Variants in BAG6 observed in about 807,000 individuals in gnomAD.
BAG6 encodes the protein BAG cochaperone 6, also known as large proline-rich protein BAG6.
BAG6 carries 22 observed loss-of-function variants against 121.0 expected under a neutral mutation model. The ratio of observed to expected loss-of-function variants is 0.18; its 90% CI spans 0.13 to 0.26. The LOEUF is 0.26. Ranked by LOEUF, BAG6 falls within the 10% of genes least tolerant of loss-of-function variation. The pLI is 1.00. For synonymous variants in BAG6, 583 were observed against 584.6 expected (o/e 1.00, Z 0.04); for missense variants, 1,233 against 1,537.7 (o/e 0.80, Z 3.31).
At position 31,644,928 on chromosome 6, in the gene BAG6, G is replaced by A. The variant is rs745389783; in HGVS notation, c.1369+18C>T. 9 of 1,553,456 alleles carry A rather than the reference G, an allele frequency of 5.8e-6. No individual in the cohort carries two copies. The highest frequency in any genetic ancestry group is 1.7e-4 in the Middle Eastern group (1 of 5,726). ...TCATCATGCTGATCCTGCTCTTCTC[G>A]CCAGCAACTATTCTCACCTTGAATG... On this transcript the variant is annotated intron_variant, in intron 10 of 25. Transcript: ENST00000676615. The surrounding 1 kb of genome is among the most constrained non-coding windows in gnomAD (Gnocchi z 4.9).
At position 31,640,702 on chromosome 6, in the gene BAG6, T is replaced by C. The variant is rs34061730; in HGVS notation, c.2937A>G (p.Pro979=). The C allele has an allele frequency of 1.6e-4, 266 of 1,612,914 alleles. 2 individuals carry two copies. In the African/African-American group the frequency reaches 2.8e-3, roughly 17 times the overall value. The change falls in exon 22 of 26, where the codon CCA becomes CCG. Residue 979 remains proline, a splice_region_variant and synonymous_variant. Coordinates refer to ENST00000676615, the MANE Select transcript of BAG6 (RefSeq NM_001387994.1). The surrounding 1 kb of genome is among the most constrained non-coding windows in gnomAD (Gnocchi z 4.2). ...YVRRVGDPPQ[P]LPEEPMEVQG... is the part of the protein sequence containing the mutation. ...GAACTTCCATTGGCTCCTCAGGAAG[T>C]GGCTGTGAAATTAAAGAACACCATA...
rs767665553 is a variant in BAG6 at position 31,642,254 on chromosome 6, A to G, written c.2193T>C (p.Phe731=). 1 of 1,612,090 alleles carries G rather than the reference A, an allele frequency of 6.2e-7. No homozygotes were observed. The highest frequency in any genetic ancestry group is 8.5e-7 in the Non-Finnish European group (1 of 1,179,602). ...LGLESLSPEF[F]TSVVQGVLSS... The stretch of plus-strand genomic sequence containing the variant: ...TGAGCACACCCTGCACCACTGAGGT[A>G]AAAAACTCCGGTGACAGGCTCTCAA... The change falls in exon 16 of 26, where the codon TTT becomes TTC. Residue 731 remains phenylalanine (F), a synonymous_variant. Coordinates refer to ENST00000676615, the MANE Select transcript of BAG6 (RefSeq NM_001387994.1).
intron 5 of BAG6, 69 bp from the exon 6 acceptor site, chr6:31,648,820 A>G: frequency 1.3e-6 from 2 of 1,598,964 alleles, no homozygotes; most frequent in Non-Finnish European, 1.7e-6. Context: ...CTACTAAATC[A>G]GGTCCCAGCC....
chr6:31,647,869 C>G, intron 6 of BAG6, 43 bp from the exon 7 acceptor site: 1 of 1,506,404 alleles, frequency 6.6e-7, no homozygotes, highest in Middle Eastern at 1.8e-4. Context: ...CAGGGTAAGA[C>G]TGCTGCAGAG....
Position 31,644,648 on chromosome 6 carries a change from A to G in BAG6, c.1370-46T>C. On this transcript the variant is annotated intron_variant, in intron 10 of 25. Transcript: ENST00000676615. This position sits in a 1 kb window ranked among gnomAD's most constrained non-coding sequence, Gnocchi z 4.9. The stretch of plus-strand genomic sequence containing the variant: ...AGTGGCCCTGAGGTAGGTAGGGCCA[A>G]GGCCTAACTATATCCTTCTGAGATC... 1 of 1,555,384 alleles carries G rather than the reference A, an allele frequency of 6.4e-7. No individual in the cohort carries two copies. The highest frequency in any genetic ancestry group is 1.1e-5 in the South Asian group (1 of 89,080).
Position 31,644,198 on chromosome 6 carries a change from T to G in BAG6, c.1556-4A>C. 3 of 1,612,134 alleles carry G rather than the reference T, an allele frequency of 1.9e-6. No individual in the cohort carries two copies. Among genetic ancestry groups the G allele is most frequent in the Non-Finnish European group, 2.5e-6 (3 of 1,179,322 alleles). On this transcript the variant is annotated splice_region_variant and splice_polypyrimidine_tract_variant and intron_variant, in intron 12 of 25. Transcript: ENST00000676615. The surrounding 1 kb of genome is among the most constrained non-coding windows in gnomAD (Gnocchi z 4.9). ...GGGAAGCCTGGCACCTGCTGTCCTGTGGGTGGCAGAAGAGACAGACCGAAG... is the reference window on the plus strand; with the variant it reads ...GGGAAGCCTGGCACCTGCTGTCCTGGGGGTGGCAGAAGAGACAGACCGAAG...
Position 31,643,951 on chromosome 6 carries a change from G to A in BAG6, c.1695C>T (p.Ala565=), listed in dbSNP as rs757678599. 2.5e-6 allele frequency: 4 copies of A among 1,613,978 alleles called. No individual in the cohort carries two copies. The South Asian group carries it at 4.4e-5, about 18-fold the overall frequency. ...GGCCGCTCACCATCTGGGCCAACGA[G>A]GCATTGGTACCCAGACCGGCGCCCT... ...TLQGAGLGTN[A]SLAQMVSGLV... is the part of the protein sequence containing the mutation. The change falls in exon 14 of 26, where the codon GCC becomes GCT. Residue 565 remains alanine, a synonymous_variant. Coordinates refer to ENST00000676615, the MANE Select transcript of BAG6 (RefSeq NM_001387994.1).
chr6:31,643,912 A>C lies in BAG6; in HGVS notation c.1734T>G (p.Leu578=). The change falls in exon 14 of 26, where the codon CTT becomes CTG. Residue 578 remains leucine, a synonymous_variant. Coordinates refer to ENST00000676615, the MANE Select transcript of BAG6 (RefSeq NM_001387994.1). ...AQMVSGLVGQ[L]LMQPVLVAQG... ...CACCCACAAGGACTGGCTGCATAAG[A>C]AGCTGCCCCACAAGGCCGCTCACCA... is the stretch of plus-strand genomic sequence containing the variant. The C allele has an allele frequency of 6.2e-7, 1 of 1,613,368 alleles. No homozygotes were observed. The highest frequency in any genetic ancestry group is 8.5e-7 in the Non-Finnish European group (1 of 1,180,000).
Position 31,641,739 on chromosome 6 carries a change from A to C in BAG6, c.2505+37T>G. Reference sequence around the variant, plus strand: ...TCAGAAATAAGGAATAAAATGTGCAAAAGAGGAGAGTTCTGGGGCCCCTGG... The same window carrying C: ...TCAGAAATAAGGAATAAAATGTGCACAAGAGGAGAGTTCTGGGGCCCCTGG... On this transcript the variant is annotated intron_variant, in intron 17 of 25. Transcript: ENST00000676615. This position sits in a 1 kb window ranked among gnomAD's most constrained non-coding sequence, Gnocchi z 5.7. 1 of 1,612,328 alleles carries C rather than the reference A, an allele frequency of 6.2e-7. No individual in the cohort carries two copies. The highest frequency in any genetic ancestry group is 8.5e-7 in the Non-Finnish European group (1 of 1,178,980).
Position 31,642,206 on chromosome 6 carries a change from C to T in BAG6, c.2241G>A (p.Gly747=), listed in dbSNP as rs1404647209. Residue 747 remains glycine (G), a synonymous_variant, in exon 16 of 26, where the codon GGG becomes GGA. Coordinates refer to ENST00000676615, the MANE Select transcript of BAG6 (RefSeq NM_001387994.1). ...GVLSSLLGSL[G]ARAGSSESIA... is the part of the protein sequence containing the mutation. ...TACTTTCACTGCTGCCAGCCCGAGC[C>T]CCCAGGGAGCCCAGCAGGGAGCTGA... 7 of 1,612,824 alleles carry T rather than the reference C, an allele frequency of 4.3e-6. No homozygotes were observed. The East Asian group carries it at 8.9e-5, about 21-fold the overall frequency.
At chr6:31,649,056 C>T in intron 4 of BAG6, 92 bp from the exon 5 acceptor site, 1 of 1,495,126 alleles carries the variant, frequency 6.7e-7, no homozygotes, top group South Asian at 1.3e-5. Flanking sequence ...ACCTCCTTTT[C>T]TCCTTAAAGA....
chr6:31,645,326 C>T, intron 9 of BAG6, 81 bp downstream of exon 9: 4 of 1,609,044 alleles, frequency 2.5e-6, no homozygotes, highest in East Asian at 2.2e-5. Context: ...CTTTCCTAAC[C>T]TCCTTCAGGC....
rs1781931870 is a variant in BAG6, at chr6:31,640,732, C to T, written c.2935-28G>A. ...GTGAAATTAAAGAACACCATACTTC[C>T]TCTCAGATCTCTCCAGTTCTCTCAA... is the stretch of plus-strand genomic sequence containing the variant. On this transcript the variant is annotated intron_variant, in intron 21 of 25. Transcript: ENST00000676615. The surrounding 1 kb of genome is among the most constrained non-coding windows in gnomAD (Gnocchi z 4.2). 3.7e-6 allele frequency: 6 copies of T among 1,613,000 alleles called. No homozygotes were observed. Among genetic ancestry groups the T allele is most frequent in the Non-Finnish European group, 3.4e-6 (4 of 1,180,024 alleles).
Position 31,639,228 on chromosome 6 carries a change from TAA to T in BAG6, c.3394-4_3394-3del, listed in dbSNP as rs759768900. On this transcript the variant is annotated splice_region_variant and splice_polypyrimidine_tract_variant and intron_variant, in intron 25 of 25. Coordinates refer to ENST00000676615, the MANE Select transcript of BAG6 (RefSeq NM_001387994.1). ...TCGTTTTTGTATATCAGACCGGAGC[TAA>T]AGAGAAAAAGTAAGCAGGTTGGAGA... The T allele has an allele frequency of 9.3e-6, 15 of 1,611,198 alleles. No individual in the cohort carries two copies. Among genetic ancestry groups the T allele is most frequent in the East Asian group, 2.2e-5 (1 of 44,810 alleles).
At position 31,644,111 on chromosome 6, in the gene BAG6, G is replaced by A. The variant is rs1322542228; in HGVS notation, c.1639C>T (p.Pro547Ser). Reference protein sequence around the residue: ...PTPPQARPSHPGGPPVSGTLQ... With the variant: ...PTPPQARPSHSGGPPVSGTLQ... ...GTCCCAGAGACTGGGGGCCCTCCAG[G>A]ATGGGAAGGCCGAGCCTGTGGAGGA... Residue 547 changes from proline (P) to serine (S), a missense_variant, in exon 13 of 26, where the codon CCT (proline) becomes TCT (serine). Around this residue, in one of 7 missense-constraint regions of BAG6, gnomAD observed 777 missense variants for 861.4 expected, o/e 0.90. Coordinates refer to ENST00000676615, the MANE Select transcript of BAG6 (RefSeq NM_001387994.1). The surrounding 1 kb of genome is among the most constrained non-coding windows in gnomAD (Gnocchi z 4.9). The A allele has an allele frequency of 3.7e-6, 6 of 1,613,930 alleles. No individual in the cohort carries two copies. The highest frequency in any genetic ancestry group is 3.3e-5 in the Admixed American group (2 of 59,998).
intron 14 of BAG6, 85 bp from the exon 15 acceptor site, chr6:31,643,200 A>G: frequency 7.1e-7 from 1 of 1,399,710 alleles, no homozygotes; most frequent in Non-Finnish European, 9.5e-7. Flanking sequence ...CCAAGGCATG[A>G]GAACTGCTTG....
Position 31,639,625 on chromosome 6 carries a change from G to C in BAG6, c.3268C>G (p.Gln1090Glu). ...RRKTMQGEGPQLLLSEAVSRA... is the reference protein window; with the variant it reads ...RRKTMQGEGPELLLSEAVSRA... ...CTCACAGCCTCTGAGAGAAGCAGCT[G>C]GGGGCCCTCACCCTGCATCGTCTGG... The change falls in exon 25 of 26, where the codon CAG becomes GAG. Residue 1090 changes from glutamine (Q) to glutamate (E), a missense_variant. Around this residue, in one of 7 missense-constraint regions of BAG6, gnomAD observed 102 missense variants for 103.2 expected, o/e 0.99. Coordinates refer to ENST00000676615, the MANE Select transcript of BAG6 (RefSeq NM_001387994.1). The C allele has an allele frequency of 6.2e-7, 1 of 1,612,772 alleles. No individual in the cohort carries two copies. The highest frequency in any genetic ancestry group is 8.5e-7 in the Non-Finnish European group (1 of 1,179,194).
At position 31,640,266 on chromosome 6, in the gene BAG6, C is replaced by T. The variant is rs767009688; in HGVS notation, c.3179G>A (p.Arg1060Gln). Reference sequence around the variant, plus strand: ...CAGAGGGGGCTGCGGTTTCACCTTCCGCTGGCTCTGAATGTCCTGCTGGAT... The same window carrying T: ...CAGAGGGGGCTGCGGTTTCACCTTCTGCTGGCTCTGAATGTCCTGCTGGAT... ...PIIQQDIQSQ[R>Q]KVKPQPPLSD... Residue 1060 changes from arginine to glutamine, a missense_variant, in exon 24 of 26, where the codon CGG becomes CAG. Arg to Gln is a conservative substitution (Grantham distance 43, BLOSUM62 1). This residue lies in a region of BAG6 where 288 missense variants were observed against 483.1 expected (regional missense o/e 0.60). Coordinates refer to ENST00000676615, the MANE Select transcript of BAG6 (RefSeq NM_001387994.1). The surrounding 1 kb of genome is among the most constrained non-coding windows in gnomAD (Gnocchi z 4.2). 8.1e-6 allele frequency: 13 copies of T among 1,614,074 alleles called. No homozygotes were observed. The highest frequency in any genetic ancestry group is 2.7e-5 in the African/African-American group (2 of 74,914).
Position 31,642,356 on chromosome 6 carries a change from T to C in BAG6, c.2091A>G (p.Pro697=). 2 of 526,654 alleles carry C rather than the reference T, an allele frequency of 3.8e-6. No individual in the cohort carries two copies. Among genetic ancestry groups the C allele is most frequent in the Non-Finnish European group, 5.0e-6 (2 of 401,458 alleles). The allele number at this position is 526,654 out of a possible 1,614,324, so 32.6% of individuals were successfully genotyped here. Residue 697 remains proline (P), a synonymous_variant, in exon 16 of 26, where the codon CCA becomes CCG. Transcript: ENST00000676615. The part of the protein sequence containing the change: ...PPPPPPPPPP[P]PAPEQQTMPP... Reference sequence around the variant, plus strand: ...GCATGGTCTGCTGCTCTGGGGCAGGTGGTGGGGGTGGAGGAGGTGGGGGTG... The same window carrying C: ...GCATGGTCTGCTGCTCTGGGGCAGGCGGTGGGGGTGGAGGAGGTGGGGGTG...
Sources: gnomAD v4.1 joint callset for allele counts on GRCh38, gnomAD v4.1.1 for gene constraint, gnomAD v4.1.1 regional missense constraint, Gnocchi (gnomAD v3.1) non-coding constraint, MANE v1.5 for transcripts, NCBI Gene and HGNC (gene_info 2026-07-23, HGNC 2026-07-21) for gene names.